Variants in FGGY observed in about 807,000 individuals in gnomAD.
FGGY encodes the protein FGGY carbohydrate kinase domain containing.
A neutral mutation model predicts 71.3 loss-of-function variants in FGGY; 72 were observed. The ratio of observed to expected loss-of-function variants is 1.01; its 90% CI spans 0.84 to 1.23. The LOEUF (loss-of-function observed/expected upper bound fraction) is 1.23. FGGY is among the 50% of genes most tolerant of loss of function. The pLI is 0.00. For synonymous variants in FGGY, 251 were observed against 250.3 expected, an observed-to-expected ratio of 1.00 and a Z score of -0.02; for missense variants, 668 against 682.3, an observed-to-expected ratio of 0.98 and a Z score of 0.23.
intron 14 of FGGY, among the ~76,000 whole-genome samples, chr1:59,709,554 C>A (rs974242153): frequency 6.6e-6 from 1 of 152,020 alleles, no homozygotes; most frequent in African/African-American, 2.4e-5. Context: ...GACAATTAGC[C>A]ACCCAGTCCA....
intron 8 of FGGY, among the ~76,000 whole-genome samples, chr1:59,557,751 G>T (rs1249883978): frequency 6.6e-6 from 1 of 152,306 alleles, no homozygotes; most frequent in Non-Finnish European, 1.5e-5. Context: ...AGATGGAGCT[G>T]ATCCTTGCCA....
chr1:59,659,414 C>T (rs1422701168), intron 11 of FGGY, among the ~76,000 whole-genome samples: 1 of 152,174 alleles, frequency 6.6e-6, no homozygotes, highest in African/African-American at 2.4e-5. Context: ...CAGGACAACA[C>T]ACACCATAGG....
chr1:59,626,233 C>T (rs895016456), intron 10 of FGGY, 184 bp downstream of exon 10: 2 of 530,466 alleles, frequency 3.8e-6, no homozygotes, highest in African/African-American at 3.8e-5. Flanking sequence ...GGTAAGAGAA[C>T]TTAGAGAACC....
chr1:59,607,874 G>A lies in FGGY; in HGVS notation c.975G>A (p.Trp325Ter), dbSNP rs1241113216. Residue 325 changes from tryptophan to a stop codon, truncating the protein, a stop_gained, in exon 9 of 16, where the codon TGG becomes TGA. Coordinates refer to ENST00000303721, the MANE Select transcript of FGGY (RefSeq NM_018291.5). LOFTEE classifies it high-confidence loss of function. Reference protein sequence around the residue: ...PYFSAMVPGFWLNEGGQSVTG... With the variant: ...PYFSAMVPGF ...TCTCAGCCATGGTACCTGGGTTCTG[G>A]CTGAATGAAGGTGGTCAGAGCGTTA... The A allele has an allele frequency of 1.2e-6, 2 of 1,614,054 alleles. No individual in the cohort carries two copies. Among genetic ancestry groups the A allele is most frequent in the South Asian group, 2.2e-5 (2 of 91,070 alleles).
intron 1 of FGGY, among the ~76,000 whole-genome samples, chr1:59,300,335 G>A (rs939087512): frequency 6.6e-6 from 1 of 152,102 alleles, no homozygotes; most frequent in Non-Finnish European, 1.5e-5. Flanking sequence ...TAAAAAATGA[G>A]CCTTTTATTT....
At chr1:59,532,767 T>C (rs1030989477) in intron 7 of FGGY, among the ~76,000 whole-genome samples, 2 of 152,014 alleles carry the variant, frequency 1.3e-5, no homozygotes, top group South Asian at 2.1e-4. Flanking sequence ...ACAGGGCCTA[T>C]CTAGTGCAAC....
At chr1:59,663,514 G>A (rs1184714591) in intron 12 of FGGY, among the ~76,000 whole-genome samples, 1 of 152,050 alleles carries the variant, frequency 6.6e-6, no homozygotes, top group Non-Finnish European at 1.5e-5. Context: ...GGGCAGGAGA[G>A]GGGAAGAAAA....
At chr1:59,376,758 C>T (rs187382769) in intron 4 of FGGY, among the ~76,000 whole-genome samples, 5 of 152,314 alleles carry the variant, frequency 3.3e-5, no homozygotes, top group Non-Finnish European at 7.3e-5. Flanking sequence ...CCCAGAGATA[C>T]TCCTATGCTT....
intron 5 of FGGY, among the ~76,000 whole-genome samples, chr1:59,414,705 A>T (rs2064103116): frequency 6.6e-6 from 1 of 152,192 alleles, no homozygotes; most frequent in Non-Finnish European, 1.5e-5. Context: ...AGGAACAAGG[A>T]GAGGGGCTAC....
chr1:59,496,373 G>A (rs924692874), intron 6 of FGGY, among the ~76,000 whole-genome samples: 1 of 152,150 alleles, frequency 6.6e-6, no homozygotes, highest in African/African-American at 2.4e-5. Flanking sequence ...TTTGTCCTCT[G>A]CAGCAACATG....
intron 8 of FGGY, among the ~76,000 whole-genome samples, chr1:59,567,606 G>A (rs547554002): frequency 4.6e-5 from 7 of 151,990 alleles, no homozygotes; most frequent in Admixed American, 3.3e-4. Flanking sequence ...TTTAGCAGAT[G>A]TATTTGCTAT....
Position 59,367,915 on chromosome 1 carries a change from A to T in FGGY, c.466-10834A>T, listed in dbSNP as rs535793891. Among the ~76,000 whole-genome samples the T allele has an allele frequency of 1.9e-4, 29 of 152,086 alleles. 1 individual carries two copies. The highest frequency in any genetic ancestry group is 7.7e-4 in the East Asian group (4 of 5,178). On this transcript the variant is annotated intron_variant, in intron 4 of 15. Coordinates refer to ENST00000303721, the MANE Select transcript of FGGY (RefSeq NM_018291.5). Reference sequence around the variant, plus strand: ...GAAGTAATAATTTTTTCTTTTTTTTAAAAAAAGCTGTTCTCTTTGGTTGCT... The same window carrying T: ...GAAGTAATAATTTTTTCTTTTTTTTTAAAAAAGCTGTTCTCTTTGGTTGCT...
intron 10 of FGGY, among the ~76,000 whole-genome samples, chr1:59,631,334 T>C (rs960914007): frequency 6.6e-6 from 1 of 152,240 alleles, no homozygotes; most frequent in Non-Finnish European, 1.5e-5. Flanking sequence ...TTTCTGTCTA[T>C]ATTTTGATGA....
intron 8 of FGGY, among the ~76,000 whole-genome samples, chr1:59,589,469 A>G (rs1367307974): frequency 6.6e-6 from 1 of 152,170 alleles, no homozygotes; most frequent in Non-Finnish European, 1.5e-5. Context: ...TCCACCCCAA[A>G]TCAACAGAAT....
intron 6 of FGGY, among the ~76,000 whole-genome samples, chr1:59,510,306 T>C (rs903482591): frequency 2.0e-5 from 3 of 152,312 alleles, no homozygotes; most frequent in South Asian, 2.1e-4. Flanking sequence ...ATTGTACCCT[T>C]CACAGAGGGT....
At chr1:59,567,844 G>A (rs918605623) in intron 8 of FGGY, among the ~76,000 whole-genome samples, 34 of 149,636 alleles carry the variant, frequency 2.3e-4, no homozygotes, top group Non-Finnish European at 1.0e-4. Flanking sequence ...ATCCTTTGTC[G>A]ATAAAAAATC....
At chr1:59,492,164 C>T (rs935174638) in intron 6 of FGGY, among the ~76,000 whole-genome samples, 1 of 152,106 alleles carries the variant, frequency 6.6e-6, no homozygotes, top group Non-Finnish European at 1.5e-5. Flanking sequence ...CACTATAATG[C>T]GTCCATCAAG....
chr1:59,325,091 C>T lies in FGGY; in HGVS notation c.201+3341C>T, dbSNP rs188159386. Among the ~76,000 whole-genome samples, 10 of 152,248 alleles carry T rather than the reference C, an allele frequency of 6.6e-5. No individual in the cohort carries two copies. In the East Asian group the frequency reaches 7.7e-4, roughly 12 times the overall value. ...AGCTTAGGCGGGGCGTGTTGGCTCA[C>T]GCCTGTAATCCCAGCACTTTGGGAG... On this transcript the variant is annotated intron_variant, in intron 2 of 15. Coordinates refer to ENST00000303721, the MANE Select transcript of FGGY (RefSeq NM_018291.5).
intron 8 of FGGY, among the ~76,000 whole-genome samples, chr1:59,560,054 C>T (rs1234741390): frequency 2.0e-5 from 3 of 152,110 alleles, no homozygotes; most frequent in African/African-American, 4.8e-5. Context: ...AGTAATTTTA[C>T]ATTGGAGAAA....
Sources: allele counts gnomAD v4.1 joint callset (sites outside exome capture counted in the v4.1 genomes callset), GRCh38; gene constraint gnomAD v4.1.1; transcripts MANE v1.5; gene names NCBI Gene and HGNC (gene_info 2026-07-23, HGNC 2026-07-21).